Variants in KCNMA1 observed in about 807,000 individuals in gnomAD.
KCNMA1 encodes the protein Calcium-activated potassium channel subunit alpha-1.
KCNMA1 carries 29 observed loss-of-function variants against 140.0 expected under a neutral mutation model. That is an observed-to-expected ratio of 0.21 (90% CI 0.15 to 0.28). The LOEUF is 0.28. Among genes scored for constraint, KCNMA1 ranks in the 10% least tolerant of loss-of-function variants. KCNMA1 has a pLI of 1.00. For missense variants in KCNMA1, 880 were observed against 1,602.2 expected (o/e 0.55, Z 7.70); for synonymous variants, 612 against 611.9 (o/e 1.00, Z 0.00).
At chr10:77,318,320 C>A (rs1177724781) in intron 2 of KCNMA1, among the ~76,000 whole-genome samples, 2 of 152,068 alleles carry the variant, frequency 1.3e-5, no homozygotes, top group Non-Finnish European at 2.9e-5. Context: ...AAAATAGAGG[C>A]TTAGAGAGGT....
intron 5 of KCNMA1, among the ~76,000 whole-genome samples, chr10:77,143,691 TTAGA>T (rs1480026905): frequency 6.6e-6 from 1 of 152,076 alleles, no homozygotes; most frequent in African/African-American, 2.4e-5. Context: ...CAAAGGCTTC[TTAGA>T]TAGGACACAA....
At chr10:77,316,837 A>G (rs1602275231) in intron 2 of KCNMA1, among the ~76,000 whole-genome samples, 2 of 152,186 alleles carry the variant, frequency 1.3e-5, no homozygotes, top group East Asian at 3.9e-4. Context: ...AAAGAGCTTA[A>G]TTAAAGTTAA....
intron 1 of KCNMA1, among the ~76,000 whole-genome samples, chr10:77,588,794 T>A (rs2154564341): frequency 6.6e-6 from 1 of 152,330 alleles, no homozygotes; most frequent in African/African-American, 2.4e-5. Flanking sequence ...CTGGCGCTCA[T>A]CTTTGACAAA....
chr10:77,171,392 T>C (rs969116182), intron 5 of KCNMA1, among the ~76,000 whole-genome samples: 2 of 111,500 alleles, frequency 1.8e-5, no homozygotes, highest in African/African-American at 8.4e-5. Flanking sequence ...TGTGCGTGTG[T>C]GTGTGTGCGT....
At chr10:77,370,413 C>A (rs2094610121) in intron 2 of KCNMA1, among the ~76,000 whole-genome samples, 1 of 152,116 alleles carries the variant, frequency 6.6e-6, no homozygotes, top group South Asian at 2.1e-4. Flanking sequence ...AAAAAAAAGC[C>A]CTTCCACATA....
intron 1 of KCNMA1, among the ~76,000 whole-genome samples, chr10:77,529,995 G>A (rs887719486): frequency 6.6e-6 from 1 of 152,212 alleles, no homozygotes; most frequent in South Asian, 2.1e-4. Context: ...GAGGTCAGGC[G>A]CATGCCCCGA....
intron 1 of KCNMA1, among the ~76,000 whole-genome samples, chr10:77,601,496 C>T (rs901516183): frequency 3.3e-5 from 5 of 152,198 alleles, no homozygotes; most frequent in Admixed American, 3.3e-4. Context: ...GCCTTAGACT[C>T]GGACCATGTG....
At chr10:77,362,634 C>T (rs2094068050) in intron 2 of KCNMA1, among the ~76,000 whole-genome samples, 1 of 152,094 alleles carries the variant, frequency 6.6e-6, no homozygotes, top group African/African-American at 2.4e-5. Context: ...GCCTGACGTC[C>T]TGCCTCAGAC....
chr10:77,283,501 G>C (rs2069475980), intron 2 of KCNMA1, among the ~76,000 whole-genome samples: 1 of 152,166 alleles, frequency 6.6e-6, no homozygotes, highest in Admixed American at 6.5e-5. Context: ...TCAGATTCTT[G>C]ATAAAGTACA....
At chr10:77,480,275 C>T (rs576265765) in intron 1 of KCNMA1, among the ~76,000 whole-genome samples, 3 of 152,332 alleles carry the variant, frequency 2.0e-5, no homozygotes, top group Admixed American at 6.5e-5. Context: ...AGGGCTGGCC[C>T]TGCCCGCCTC....
chr10:77,016,505 T>C (rs537724373), intron 17 of KCNMA1, among the ~76,000 whole-genome samples: 2 of 152,232 alleles, frequency 1.3e-5, no homozygotes, highest in South Asian at 2.1e-4. Context: ...CCCGGTATTG[T>C]TGGGTCTGCC....
At chr10:77,387,241 C>G (rs1018144651) in intron 2 of KCNMA1, among the ~76,000 whole-genome samples, 2 of 152,102 alleles carry the variant, frequency 1.3e-5, no homozygotes, top group Non-Finnish European at 2.9e-5. Context: ...TGAAGTCAGG[C>G]TGCAATATGA....
intron 3 of KCNMA1, among the ~76,000 whole-genome samples, chr10:77,191,612 C>T (rs2098939092): frequency 6.6e-6 from 1 of 152,076 alleles, no homozygotes; most frequent in Non-Finnish European, 1.5e-5. Context: ...TTCACTTTAT[C>T]CCAGACATCA....
At chr10:76,913,884 C>A in intron 24 of KCNMA1, 1 of 585,886 alleles carries the variant, frequency 1.7e-6, no homozygotes, top group South Asian at 2.3e-5. Context: ...TAAGAAAGGC[C>A]AGAACAAGAC....
At chr10:77,240,579 G>A (rs2057017634) in intron 3 of KCNMA1, among the ~76,000 whole-genome samples, 1 of 152,192 alleles carries the variant, frequency 6.6e-6, no homozygotes. Context: ...CTGCAGAGGT[G>A]TTTTGCTTGG....
At chr10:77,327,371 A>G (rs2084608369) in intron 2 of KCNMA1, among the ~76,000 whole-genome samples, 1 of 151,716 alleles carries the variant, frequency 6.6e-6, no homozygotes, top group African/African-American at 2.4e-5. Flanking sequence ...TTGTTGTTTG[A>G]GATGGAGTCT....
At chr10:77,123,807 G>T (rs1010040006) in intron 5 of KCNMA1, among the ~76,000 whole-genome samples, 1 of 152,080 alleles carries the variant, frequency 6.6e-6, no homozygotes, top group Non-Finnish European at 1.5e-5. Flanking sequence ...CTATACTTGC[G>T]CTTTGGGGCC....
chr10:77,597,204 G>A (rs1433059951), intron 1 of KCNMA1, among the ~76,000 whole-genome samples: 1 of 152,070 alleles, frequency 6.6e-6, no homozygotes, highest in East Asian at 1.9e-4. Flanking sequence ...TCTATACCGT[G>A]AAAATTCTGT....
intron 25 of KCNMA1, among the ~76,000 whole-genome samples, chr10:76,909,372 C>T (rs1044972059): frequency 6.6e-6 from 1 of 152,278 alleles, no homozygotes; most frequent in Non-Finnish European, 1.5e-5. Flanking sequence ...CTACAACAGC[C>T]AAGGCAATCC....
Sources: allele counts gnomAD v4.1 joint callset (sites outside exome capture counted in the v4.1 genomes callset), GRCh38; gene constraint gnomAD v4.1.1; transcripts MANE v1.5; gene names NCBI Gene and HGNC (gene_info 2026-07-23, HGNC 2026-07-21).